Variants in PDE8A observed in about 807,000 individuals in gnomAD.
The protein encoded by PDE8A is high affinity cAMP-specific and IBMX-insensitive 3',5'-cyclic phosphodiesterase 8A.
PDE8A carries 59 observed loss-of-function variants against 105.0 expected under a neutral mutation model. That is an observed-to-expected ratio of 0.56 (90% CI 0.46 to 0.70). The LOEUF (loss-of-function observed/expected upper bound fraction) is 0.70. PDE8A is among the 30% of genes least tolerant of loss of function. PDE8A has a pLI of 0.00. For missense variants in PDE8A, 1,014 were observed against 1,045.9 expected, an observed-to-expected ratio of 0.97 and a Z score of 0.42; for synonymous variants, 355 against 371.9, an observed-to-expected ratio of 0.95 and a Z score of 0.52.
At chr15:85,085,514 A>G (rs1424224727) in intron 6 of PDE8A, among the ~76,000 whole-genome samples, 3 of 152,228 alleles carry the variant, frequency 2.0e-5, no homozygotes, top group African/African-American at 4.8e-5. Context: ...CCTGGCCAAC[A>G]TGGCGAAACC....
chr15:84,996,901 G>C (rs979633615), intron 1 of PDE8A, among the ~76,000 whole-genome samples: 2 of 150,422 alleles, frequency 1.3e-5, no homozygotes, highest in Non-Finnish European at 1.5e-5. Flanking sequence ...TACAGGACTG[G>C]AAGCTGCTGA....
chr15:84,999,143 C>T (rs1383326327), intron 1 of PDE8A, among the ~76,000 whole-genome samples: 8 of 119,658 alleles, frequency 6.7e-5, no homozygotes, highest in African/African-American at 9.3e-5. Flanking sequence ...TTTTTTGAGA[C>T]GGAATCTTGC....
intron 5 of PDE8A, among the ~76,000 whole-genome samples, chr15:85,081,533 A>G (rs913325191): frequency 1.3e-5 from 2 of 152,178 alleles, no homozygotes; most frequent in Admixed American, 1.3e-4. Flanking sequence ...TTAGAAGTCT[A>G]GGATTTGTAG....
At chr15:85,038,622 T>C (rs1432899902) in intron 1 of PDE8A, among the ~76,000 whole-genome samples, 3 of 152,126 alleles carry the variant, frequency 2.0e-5, no homozygotes, top group Non-Finnish European at 4.4e-5. Context: ...ATCCAAAATA[T>C]ATAAGAACCG....
At chr15:85,100,514 C>T (rs970516719) in intron 11 of PDE8A, among the ~76,000 whole-genome samples, 4 of 152,228 alleles carry the variant, frequency 2.6e-5, no homozygotes, top group African/African-American at 7.2e-5. Context: ...GAGTGTTTAT[C>T]CCACAGTCCT....
At chr15:85,126,145 TAAGA>T in intron 19 of PDE8A, 58 bp from the exon 20 acceptor site, 1 of 1,254,410 alleles carries the variant, frequency 8.0e-7, no homozygotes, top group African/African-American at 1.5e-5. Flanking sequence ...GACAGACCAG[TAAGA>T]GAGGGCTTGG....
At chr15:85,100,230 A>G in intron 11 of PDE8A, 32 bp downstream of exon 11, 2 of 1,580,316 alleles carry the variant, frequency 1.3e-6, no homozygotes, top group Non-Finnish European at 8.7e-7. Flanking sequence ...CTTAGAGTTC[A>G]TTGAGTTTTT....
At chr15:85,078,036 C>G (rs867844612) in intron 5 of PDE8A, among the ~76,000 whole-genome samples, 5 of 151,276 alleles carry the variant, frequency 3.3e-5, no homozygotes, top group Non-Finnish European at 2.9e-5. Flanking sequence ...TGAAGAGTTA[C>G]TAGCTGAAAA....
At chr15:84,981,199 C>G (rs372047449), upstream of PDE8A, among the ~76,000 whole-genome samples, 12 of 152,330 alleles carry the variant, frequency 7.9e-5, no homozygotes, top group South Asian at 2.5e-3. Context: ...CTGGGCAAGT[C>G]TCTTTCCTTC....
At chr15:85,128,944 T>G (rs2141643152) in intron 20 of PDE8A, among the ~76,000 whole-genome samples, 1 of 152,378 alleles carries the variant, frequency 6.6e-6, no homozygotes, top group East Asian at 1.9e-4. Context: ...TGTAGAATGC[T>G]ACAGTCACTT....
At chr15:85,060,155 ATTTAAATTCCTTTCTCAT>A (rs1434583398) in intron 1 of PDE8A, among the ~76,000 whole-genome samples, 19 of 152,284 alleles carry the variant, frequency 1.2e-4, no homozygotes, top group African/African-American at 4.6e-4. Context: ...GTAATGCAAT[ATTTAAATTCCTTTCTCAT>A]TTCCCTTTGT....
chr15:85,018,722 A>G (rs289415), intron 1 of PDE8A, among the ~76,000 whole-genome samples: 13,267 of 152,266 alleles, frequency 0.087, 692 homozygotes, highest in African/African-American at 0.13. Context: ...TTTTACCAGT[A>G]TGAATTCTTT....
At chr15:85,056,408 C>T (rs1046832846) in intron 1 of PDE8A, among the ~76,000 whole-genome samples, 12 of 152,148 alleles carry the variant, frequency 7.9e-5, no homozygotes, top group African/African-American at 2.9e-4. Context: ...GAGTGTTTTC[C>T]AACTTGGTTC....
At chr15:85,129,370 A>G (rs993204589) in intron 20 of PDE8A, among the ~76,000 whole-genome samples, 1 of 152,212 alleles carries the variant, frequency 6.6e-6, no homozygotes, top group Non-Finnish European at 1.5e-5. Flanking sequence ...CAGTGAAACC[A>G]TCCTTTCTTG....
intron 1 of PDE8A, among the ~76,000 whole-genome samples, chr15:84,984,481 A>G (rs956471637): frequency 2.6e-5 from 4 of 152,216 alleles, no homozygotes; most frequent in Admixed American, 1.3e-4. Flanking sequence ...TCAAGATGCA[A>G]TTTAATTCAT....
At chr15:85,105,948 C>T (rs2081941585) in intron 11 of PDE8A, among the ~76,000 whole-genome samples, 1 of 152,128 alleles carries the variant, frequency 6.6e-6, no homozygotes, top group South Asian at 2.1e-4. Flanking sequence ...AGGGTGGAGA[C>T]GTGGTCCATC....
chr15:84,986,151 A>C (rs933370119), intron 1 of PDE8A, among the ~76,000 whole-genome samples: 3 of 152,112 alleles, frequency 2.0e-5, no homozygotes, highest in African/African-American at 4.8e-5. Context: ...CACCTGAGGT[A>C]AGAAGTTCAA....
At chr15:85,000,805 G>A (rs1477493945) in intron 1 of PDE8A, among the ~76,000 whole-genome samples, 1 of 152,170 alleles carries the variant, frequency 6.6e-6, no homozygotes, top group African/African-American at 2.4e-5. Flanking sequence ...GAGCCAGGTA[G>A]CTAAAATAAT....
chr15:85,099,763 A>G, intron 9 of PDE8A: 3 of 492,714 alleles, frequency 6.1e-6, no homozygotes, highest in Middle Eastern at 5.2e-4. Flanking sequence ...AAAAATATGT[A>G]TATTTGATTG....
Sources: gnomAD v4.1 joint callset for allele counts (sites outside exome capture counted in the v4.1 genomes callset) on GRCh38, gnomAD v4.1.1 for gene constraint, MANE v1.5 for transcripts, NCBI Gene and HGNC (gene_info 2026-07-23, HGNC 2026-07-21) for gene names.